The following CCM2 variants were observed in gnomAD, a reference collection of about 807,000 sequenced individuals.
The protein encoded by CCM2 is CCM2 scaffold protein.
CCM2 carries 25 observed loss-of-function variants against 44.9 expected under a neutral mutation model. That is an observed-to-expected ratio of 0.56 (90% CI 0.41 to 0.78). The LOEUF is 0.78. Ranked by LOEUF, CCM2 falls within the 30% of genes least tolerant of loss-of-function variation. The pLI is 0.00. For missense variants in CCM2, 481 were observed against 580.6 expected, an observed-to-expected ratio of 0.83 and a Z score of 1.76; for synonymous variants, 219 against 241.1, an observed-to-expected ratio of 0.91 and a Z score of 0.85.
chr7:45,007,795 C>T (rs935971310), intron 1 of CCM2, among the ~76,000 whole-genome samples: 1 of 152,074 alleles, frequency 6.6e-6, no homozygotes, highest in African/African-American at 2.4e-5. Flanking sequence ...CCCGTGGTGT[C>T]ACTGTTCTTA....
chr7:45,071,644 G>A, intron 6 of CCM2: 2 of 394,992 alleles, frequency 5.1e-6, no homozygotes, highest in Admixed American at 6.0e-5. Flanking sequence ...GTGTCCACAG[G>A]GCTGGTTCCT....
intron 1 of CCM2, among the ~76,000 whole-genome samples, chr7:45,033,982 G>A (rs1233378234): frequency 6.6e-6 from 1 of 152,118 alleles, no homozygotes; most frequent in Non-Finnish European, 1.5e-5. Context: ...ACAAATCATA[G>A]GTGACCATTT....
chr7:45,008,104 A>G (rs1018284619), intron 1 of CCM2, among the ~76,000 whole-genome samples: 2 of 141,434 alleles, frequency 1.4e-5, no homozygotes, highest in African/African-American at 2.6e-5. Flanking sequence ...GTGCAGTTGC[A>G]TGACCTCAGC....
chr7:45,029,639 G>A (rs568302879), intron 1 of CCM2: 1 of 152,298 alleles, frequency 6.6e-6, no homozygotes, highest in South Asian at 2.1e-4. Context: ...TTATAAGTTA[G>A]TTTCTGAGAA....
At chr7:45,013,171 T>C (rs1796131845) in intron 1 of CCM2, among the ~76,000 whole-genome samples, 1 of 152,166 alleles carries the variant, frequency 6.6e-6, no homozygotes, top group Admixed American at 6.5e-5. Context: ...TGTCACAGAT[T>C]ACCATCCATT....
At chr7:45,049,742 A>G (rs889350545) in intron 2 of CCM2, among the ~76,000 whole-genome samples, 1 of 151,940 alleles carries the variant, frequency 6.6e-6, no homozygotes, top group Non-Finnish European at 1.5e-5. Context: ...ATTGCTCTTC[A>G]TAAAGGGTTG....
In CCM2 at chr7:45,024,602, T is replaced by A. The variant is rs185811242; in HGVS notation, c.31-13651T>A. 1.8e-4 allele frequency among the ~76,000 whole-genome samples: 27 copies of A among 152,336 alleles called. No homozygotes were observed. The East Asian group carries it at 4.6e-3, about 26-fold the overall frequency. On this transcript the variant is annotated intron_variant, in intron 1 of 9. Transcript: ENST00000258781. Reference sequence around the variant, plus strand: ...AAAGGGGGTTTTTAGAGTGTAAAGATCCCAAGGCACTGCAGGTGTGAAAAT... The same window carrying A: ...AAAGGGGGTTTTTAGAGTGTAAAGAACCCAAGGCACTGCAGGTGTGAAAAT...
At chr7:45,067,687 G>A (rs1798850567) in intron 4 of CCM2, 1 of 153,006 alleles carries the variant, frequency 6.5e-6, no homozygotes, top group Non-Finnish European at 1.5e-5. Context: ...AGCAGCCCCA[G>A]GAGTCTCACT....
chr7:45,052,374 G>T (rs907180197), intron 2 of CCM2, among the ~76,000 whole-genome samples: 1 of 152,130 alleles, frequency 6.6e-6, no homozygotes, highest in African/African-American at 2.4e-5. Flanking sequence ...TTGTGCCTAA[G>T]TATGTGAACC....
At chr7:45,050,921 C>T (rs1797971729) in intron 2 of CCM2, among the ~76,000 whole-genome samples, 1 of 152,114 alleles carries the variant, frequency 6.6e-6, no homozygotes, top group Non-Finnish European at 1.5e-5. Flanking sequence ...TAGGGTAGGG[C>T]AGAGGGGAAA....
chr7:45,037,113 T>C (rs1797257509), intron 1 of CCM2, among the ~76,000 whole-genome samples: 1 of 152,144 alleles, frequency 6.6e-6, no homozygotes, highest in South Asian at 2.1e-4. Context: ...AGATAGGGAT[T>C]GTAGCATGAT....
At chr7:45,004,996 CAAA>C (rs57545850) in intron 1 of CCM2, among the ~76,000 whole-genome samples, 5 of 139,770 alleles carry the variant, frequency 3.6e-5, no homozygotes, top group Admixed American at 7.2e-5. Flanking sequence ...GACTCCGTCT[CAAA>C]AAAAAAAAAA....
At chr7:45,070,534 T>C in intron 6 of CCM2, 3 of 437,582 alleles carry the variant, frequency 6.9e-6, no homozygotes, top group South Asian at 4.8e-5. Context: ...CAGGAGTCTG[T>C]TAGTCCATTG....
Position 45,075,785 on chromosome 7 carries a change from C to T in CCM2, c.1063C>T (p.Pro355Ser). ...SRKFLLLGLR[P>S]FIPEKDSQHF... Reference sequence around the variant, plus strand: ...GTGTTGTGTGTCTGCAGGTCTGAGGCCCTTCATCCCTGAGAAGGACAGCCA... The same window carrying T: ...GTGTTGTGTGTCTGCAGGTCTGAGGTCCTTCATCCCTGAGAAGGACAGCCA... Residue 355 changes from proline (P) to serine (S), a missense_variant, in exon 10 of 10, where the codon CCC (proline) becomes TCC (serine). Physicochemically the swap from Pro to Ser is moderately conservative, Grantham distance 74 (BLOSUM62 -1). Transcript: ENST00000258781. 2 of 1,613,662 alleles carry T rather than the reference C, an allele frequency of 1.2e-6. No individual in the cohort carries two copies. Among genetic ancestry groups the T allele is most frequent in the Non-Finnish European group, 1.7e-6 (2 of 1,180,016 alleles).
intron 1 of CCM2, among the ~76,000 whole-genome samples, chr7:45,031,255 A>G (rs1262580358): frequency 6.6e-6 from 1 of 150,578 alleles, no homozygotes; most frequent in African/African-American, 2.4e-5. Flanking sequence ...GGTGGTGCAC[A>G]CCTGTAATCC....
At chr7:45,040,228 C>A (rs897868306) in intron 2 of CCM2, among the ~76,000 whole-genome samples, 8 of 143,718 alleles carry the variant, frequency 5.6e-5, no homozygotes, top group Admixed American at 4.9e-4. Flanking sequence ...ACTAAAAATA[C>A]AAAAAATTAG....
Position 45,000,352 on chromosome 7 carries a change from A to G in CCM2, c.19A>G (p.Lys7Glu). The change falls in exon 1 of 10, where the codon AAG becomes GAG. Residue 7 changes from lysine to glutamate, a missense_variant. Physicochemically the swap from Lys to Glu is moderately conservative, Grantham distance 56. Transcript: ENST00000258781. MEEEGK[K>E]GKKPGIVSPF... ...CGGCGATATGGAAGAGGAGGGCAAGAAGGGCAAGAAGGTGAGCGTGCGCGG... is the reference window on the plus strand; with the variant it reads ...CGGCGATATGGAAGAGGAGGGCAAGGAGGGCAAGAAGGTGAGCGTGCGCGG... 7.8e-7 allele frequency: 1 copy of G among 1,288,518 alleles called. No individual in the cohort carries two copies. The allele number at this position is 1,288,518 out of a possible 1,614,324, so 79.8% of individuals were successfully genotyped here. A position where few individuals can be genotyped will look rare whatever the true frequency, so the allele number is the denominator to read the frequency against.
rs1796750783 is a variant in CCM2, at chr7:45,027,672, A to G, written c.31-10581A>G. The G allele has an allele frequency of 3.1e-6, 5 of 1,614,126 alleles. No individual in the cohort carries two copies. In the Middle Eastern group the frequency reaches 6.6e-4, roughly 213 times the overall value. ...TCAGAGGGAGGGCTAACATCTGGCC[A>G]TATTTTTCAACAAATTCAGAAGTGA... On this transcript the variant is annotated intron_variant, in intron 1 of 9. Transcript: ENST00000258781.
intron 1 of CCM2, among the ~76,000 whole-genome samples, chr7:45,019,555 T>C (rs538177203): frequency 3.9e-5 from 6 of 152,292 alleles, no homozygotes; most frequent in African/African-American, 1.2e-4. Context: ...CTCCAAACTC[T>C]TATCTACCCT....
Sources: allele counts gnomAD v4.1 joint callset (sites outside exome capture counted in the v4.1 genomes callset), GRCh38; gene constraint gnomAD v4.1.1; transcripts MANE v1.5; gene names NCBI Gene and HGNC (gene_info 2026-07-23, HGNC 2026-07-21).